SEMA3A: variants seen among roughly 807,000 people sequenced by gnomAD.
The protein encoded by SEMA3A is semaphorin 3A.
SEMA3A carries 29 observed loss-of-function variants against 97.9 expected under a neutral mutation model. The ratio of observed to expected loss-of-function variants is 0.30; its 90% confidence interval spans 0.22 to 0.40. The LOEUF (loss-of-function observed/expected upper bound fraction) is 0.40. Among genes scored for constraint, SEMA3A ranks in the 10% least tolerant of loss-of-function variants. SEMA3A has a pLI of 1.00. For synonymous variants in SEMA3A, 321 were observed against 323.7 expected, an observed-to-expected ratio of 0.99 and a Z score of 0.09; for missense variants, 763 against 951.3, an observed-to-expected ratio of 0.80 and a Z score of 2.60.
rs988706542 is a variant in SEMA3A, at chr7:84,152,443, C to CA, written c.113-17493dup. On this transcript the variant is annotated intron_variant, in intron 1 of 16. Coordinates refer to ENST00000265362, the MANE Select transcript of SEMA3A (RefSeq NM_006080.3). ...CATTCTCAGTAAACTGTCGCAAGAA[C>CA]AAAAAACCAAACACCGCGTATTCTC... is the stretch of plus-strand genomic sequence containing the variant. Among the ~76,000 whole-genome samples the CA allele has an allele frequency of 4.3e-5, 6 of 141,064 alleles. No homozygotes were observed. The East Asian group carries it at 1.3e-3, about 30-fold the overall frequency. The allele number at this position is 141,064 out of a possible 152,430, so 92.5% of individuals were successfully genotyped here. A position where few individuals can be genotyped will look rare whatever the true frequency, so the allele number is the denominator to read the frequency against.
chr7:84,059,893 G>T (rs925061650), intron 5 of SEMA3A, among the ~76,000 whole-genome samples: 1 of 151,996 alleles, frequency 6.6e-6, no homozygotes. Context: ...TAAGAGTCTG[G>T]AAAAAATTCT....
At chr7:84,347,035 G>C (rs572011187) in intron 2 of SEMA3A, among the ~76,000 whole-genome samples, 43 of 152,122 alleles carry the variant, frequency 2.8e-4, no homozygotes, top group Non-Finnish European at 5.3e-4. Context: ...ACACTAAAAT[G>C]CTAATAACAC....
At chr7:84,164,745 T>C (rs1797147526) in intron 1 of SEMA3A, among the ~76,000 whole-genome samples, 1 of 152,132 alleles carries the variant, frequency 6.6e-6, no homozygotes. Flanking sequence ...TCTTGTCTGT[T>C]GTACCACACT....
chr7:84,069,108 A>G (rs1209572766), intron 4 of SEMA3A, among the ~76,000 whole-genome samples: 1 of 152,080 alleles, frequency 6.6e-6, no homozygotes, highest in African/African-American at 2.4e-5. Flanking sequence ...AATAAATATA[A>G]TTTGATTTTT....
At chr7:84,210,551 C>T (rs1469248374) in intron 3 of SEMA3A, among the ~76,000 whole-genome samples, 1 of 152,058 alleles carries the variant, frequency 6.6e-6, no homozygotes, top group Non-Finnish European at 1.5e-5. Context: ...AAAAGCATTG[C>T]TATAGTCATG....
At chr7:84,143,477 A>C (rs1013686898) in intron 1 of SEMA3A, among the ~76,000 whole-genome samples, 2 of 152,088 alleles carry the variant, frequency 1.3e-5, no homozygotes, top group African/African-American at 2.4e-5. Flanking sequence ...CAAATCATAG[A>C]GATTGCATCC....
At chr7:84,416,053 C>G (rs376751958) in intron 1 of SEMA3A, among the ~76,000 whole-genome samples, 2 of 152,014 alleles carry the variant, frequency 1.3e-5, no homozygotes, top group Admixed American at 1.3e-4. Context: ...TCCAAAGATT[C>G]TTATAAAGTA....
At chr7:84,240,318 G>A (rs917830060) in intron 3 of SEMA3A, among the ~76,000 whole-genome samples, 9 of 151,508 alleles carry the variant, frequency 5.9e-5, no homozygotes, top group African/African-American at 2.2e-4. Flanking sequence ...GAGTGGCGAA[G>A]TTTTGCAGAT....
At chr7:83,966,137 G>C (rs1440671264) in intron 15 of SEMA3A, among the ~76,000 whole-genome samples, 1 of 151,876 alleles carries the variant, frequency 6.6e-6, no homozygotes, top group Non-Finnish European at 1.5e-5. Context: ...TCTGGTGGTG[G>C]CAAGCTTTTT....
intron 2 of SEMA3A, among the ~76,000 whole-genome samples, chr7:84,341,925 C>T (rs1802181943): frequency 6.6e-6 from 1 of 152,146 alleles, no homozygotes; most frequent in Non-Finnish European, 1.5e-5. Context: ...AATCTTTACC[C>T]ACCCTGCCTT....
chr7:84,213,046 C>T (rs996757837), intron 3 of SEMA3A, among the ~76,000 whole-genome samples: 2 of 152,280 alleles, frequency 1.3e-5, no homozygotes, highest in African/African-American at 4.8e-5. Context: ...TCATCGCAAC[C>T]TCTGCCTACA....
At chr7:84,396,850 G>GT (rs1450618280) in intron 1 of SEMA3A, among the ~76,000 whole-genome samples, 1 of 151,986 alleles carries the variant, frequency 6.6e-6, no homozygotes, top group African/African-American at 2.4e-5. Context: ...TATCAAGGCA[G>GT]TATTTACTTC....
intron 3 of SEMA3A, among the ~76,000 whole-genome samples, chr7:84,113,671 AT>A (rs1795339422): frequency 6.6e-6 from 1 of 152,136 alleles, no homozygotes; most frequent in Non-Finnish European, 1.5e-5. Context: ...CCTTTTTGGA[AT>A]TTAAGTTGAT....
chr7:84,301,076 C>A (rs1801005594), intron 3 of SEMA3A, among the ~76,000 whole-genome samples: 1 of 151,884 alleles, frequency 6.6e-6, no homozygotes, highest in East Asian at 1.9e-4. Context: ...GTTTTTCCTG[C>A]AGGGGAGGGG....
rs369579764 is a variant in SEMA3A at position 84,452,523 on chromosome 7, T to C, written c.-246+39937A>G. ...ACCAAGATAATATATGGTGGCATGA[T>C]CGATAATACAAATATGGTATGCTTC... is the stretch of plus-strand genomic sequence containing the variant. On this transcript the variant is annotated intron_variant, in intron 1 of 3. Transcript: ENST00000424555. 6.0e-4 allele frequency among the ~76,000 whole-genome samples: 91 copies of C among 152,332 alleles called. 1 individual carries two copies. The East Asian group carries it at 9.3e-3, about 15-fold the overall frequency.
chr7:84,111,436 T>C, intron 3 of SEMA3A, among the ~76,000 whole-genome samples: 1 of 152,322 alleles, frequency 6.6e-6, no homozygotes, highest in East Asian at 1.9e-4. Flanking sequence ...CATTTCCAAA[T>C]GACATCTGTA....
chr7:84,354,642 A>T (rs1206479559), intron 2 of SEMA3A, among the ~76,000 whole-genome samples: 1 of 151,710 alleles, frequency 6.6e-6, no homozygotes, highest in Non-Finnish European at 1.5e-5. Flanking sequence ...GCACTGCAGA[A>T]ATTTTTCTGC....
intron 2 of SEMA3A, among the ~76,000 whole-genome samples, chr7:84,316,406 A>G (rs945652960): frequency 8.6e-5 from 13 of 151,910 alleles, no homozygotes; most frequent in Non-Finnish European, 2.9e-5. Context: ...CTTAAAATGA[A>G]AAAAAAAGAG....
chr7:84,278,051 T>A (rs645226), intron 3 of SEMA3A, among the ~76,000 whole-genome samples: 2 of 151,908 alleles, frequency 1.3e-5, no homozygotes, highest in South Asian at 2.1e-4. Context: ...TATTTCCTCC[T>A]GCATATGAGT....
Sources: allele counts gnomAD v4.1 joint callset (sites outside exome capture counted in the v4.1 genomes callset), GRCh38; gene constraint gnomAD v4.1.1; transcripts MANE v1.5; gene names NCBI Gene and HGNC (gene_info 2026-07-23, HGNC 2026-07-21).